Variants in SNTB1 observed in about 807,000 individuals in gnomAD.
The protein encoded by SNTB1 is beta-1-syntrophin.
In SNTB1, 36 loss-of-function variants were observed where a neutral mutation model predicts 48.9. The observed-to-expected ratio is 0.74, with a 90% confidence interval of 0.56 to 0.97. The LOEUF is 0.97. Among genes scored for constraint, SNTB1 ranks in the 50% least tolerant of loss-of-function variants. The pLI, the probability that SNTB1 is intolerant of heterozygous loss-of-function variation, is 0.00. For synonymous variants in SNTB1, 299 were observed against 294.6 expected (o/e 1.01, Z -0.15); for missense variants, 786 against 703.4 (o/e 1.12, Z -1.33).
chr8:120,683,132 C>T lies in SNTB1; in HGVS notation c.788+10560G>A, dbSNP rs182890494. ...TCCTGACCTCGTGATCCACCCACCTCGGCCTCCCAAAGTGCTGGGATTACA... is the reference window on the plus strand; with the variant it reads ...TCCTGACCTCGTGATCCACCCACCTTGGCCTCCCAAAGTGCTGGGATTACA... On this transcript the variant is annotated intron_variant, in intron 2 of 6. Coordinates refer to ENST00000517992, the MANE Select transcript of SNTB1 (RefSeq NM_021021.4). Among the ~76,000 whole-genome samples the T allele has an allele frequency of 1.1e-3, 174 of 152,182 alleles. 2 individuals are homozygous for T. The highest frequency in any genetic ancestry group is 3.8e-3 in the African/African-American group (157 of 41,532).
chr8:120,552,511 C>A (rs1488985937), intron 4 of SNTB1, among the ~76,000 whole-genome samples: 1 of 152,196 alleles, frequency 6.6e-6, no homozygotes, highest in Non-Finnish European at 1.5e-5. Flanking sequence ...GTGTGCACCA[C>A]CACACCCTGT....
chr8:120,702,745 A>C (rs561654784), intron 1 of SNTB1, among the ~76,000 whole-genome samples: 1 of 152,322 alleles, frequency 6.6e-6, no homozygotes, highest in South Asian at 2.1e-4. Flanking sequence ...TAAAACCATA[A>C]GGTCCTCAAA....
intron 2 of SNTB1, among the ~76,000 whole-genome samples, chr8:120,649,275 GT>G (rs1160122848): frequency 1.3e-5 from 2 of 151,204 alleles, no homozygotes; most frequent in African/African-American, 4.9e-5. Context: ...TTCCTGTTCT[GT>G]TTTTTCCCCA....
chr8:120,574,305 G>A (rs1261231928), intron 4 of SNTB1, among the ~76,000 whole-genome samples: 1 of 152,160 alleles, frequency 6.6e-6, no homozygotes, highest in Admixed American at 6.5e-5. Flanking sequence ...AGCGCCTATA[G>A]CTAACAACAT....
Position 120,811,938 on chromosome 8 carries a change from G to T in SNTB1, c.-95C>A, listed in dbSNP as rs1203256621. On this transcript the variant is annotated 5_prime_UTR_variant, in exon 1 of 7. Transcript: ENST00000517992. Reference sequence around the variant, plus strand: ...AGGACGCGGGGCCCGGGGGAGCGAGGAGAGTGCGTCCCGCGGGGAGGTGGC... The same window carrying T: ...AGGACGCGGGGCCCGGGGGAGCGAGTAGAGTGCGTCCCGCGGGGAGGTGGC... 7.8e-7 allele frequency: 1 copy of T among 1,277,938 alleles called. No homozygotes were observed. Among genetic ancestry groups the T allele is most frequent in the South Asian group, 2.7e-5 (1 of 36,918 alleles). The allele number at this position is 1,277,938 out of a possible 1,614,324, so 79.2% of individuals were successfully genotyped here.
rs1301957194 is a variant in SNTB1, at chr8:120,631,592, G to GTGT, written c.996+851_996+852insACA. ...ACTGGGAGGTCAGATTATTCCCAAA[G>GTGT]TCCAGTGTTCCTGAGCACTCCAGGT... On this transcript the variant is annotated intron_variant, in intron 3 of 6. Coordinates refer to ENST00000517992, the MANE Select transcript of SNTB1 (RefSeq NM_021021.4). 7.8e-4 allele frequency among the ~76,000 whole-genome samples: 118 copies of GTGT among 152,248 alleles called. 1 individual carries two copies. The highest frequency in any genetic ancestry group is 3.4e-4 in the Non-Finnish European group (23 of 68,026).
At chr8:120,665,300 A>T (rs1817657102) in intron 2 of SNTB1, among the ~76,000 whole-genome samples, 1 of 152,046 alleles carries the variant, frequency 6.6e-6, no homozygotes, top group Non-Finnish European at 1.5e-5. Context: ...AAAAATACAA[A>T]AATTAGCCAG....
At chr8:120,712,761 G>A (rs1046482015) in intron 1 of SNTB1, among the ~76,000 whole-genome samples, 3 of 152,118 alleles carry the variant, frequency 2.0e-5, no homozygotes, top group African/African-American at 7.2e-5. Flanking sequence ...AACTGTCCAT[G>A]AATGATCAGA....
At chr8:120,730,643 T>A (rs1343396228) in intron 1 of SNTB1, among the ~76,000 whole-genome samples, 1 of 152,224 alleles carries the variant, frequency 6.6e-6, no homozygotes, top group Non-Finnish European at 1.5e-5. Flanking sequence ...ATCTTTGGGA[T>A]GAATCGGAAT....
At chr8:120,684,563 C>T (rs971260504) in intron 2 of SNTB1, among the ~76,000 whole-genome samples, 8 of 151,622 alleles carry the variant, frequency 5.3e-5, no homozygotes, top group Non-Finnish European at 1.0e-4. Flanking sequence ...AATGGTGGGA[C>T]AGGCACAGAA....
At chr8:120,565,448 A>G (rs13253450) in intron 4 of SNTB1, among the ~76,000 whole-genome samples, 70,063 of 152,066 alleles carry the variant, frequency 0.46, 18,602 homozygotes, top group Non-Finnish European at 0.62. Context: ...GGTAAGTAGC[A>G]AGGCTGGGAT....
chr8:120,809,493 CTT>C (rs1183368832), intron 1 of SNTB1, among the ~76,000 whole-genome samples: 1 of 152,112 alleles, frequency 6.6e-6, no homozygotes, highest in Non-Finnish European at 1.5e-5. Flanking sequence ...ATTTCTTCCT[CTT>C]TTTGGGTGAG....
chr8:120,679,175 T>A (rs1194450194), intron 2 of SNTB1, among the ~76,000 whole-genome samples: 1 of 152,222 alleles, frequency 6.6e-6, no homozygotes, highest in Non-Finnish European at 1.5e-5. Flanking sequence ...TAGCTGACAT[T>A]TCAGGGATGA....
chr8:120,588,361 C>T (rs1200327892), intron 3 of SNTB1, among the ~76,000 whole-genome samples: 2 of 150,684 alleles, frequency 1.3e-5, no homozygotes, highest in Non-Finnish European at 2.9e-5. Flanking sequence ...GCTTTCAGTG[C>T]GATCTACCAA....
chr8:120,572,805 C>G (rs1306286835), intron 4 of SNTB1, among the ~76,000 whole-genome samples: 1 of 152,118 alleles, frequency 6.6e-6, no homozygotes, highest in Non-Finnish European at 1.5e-5. Context: ...ATCCCAGCTA[C>G]TCAGGAGGCT....
At chr8:120,649,940 T>G (rs1041756215) in intron 2 of SNTB1, among the ~76,000 whole-genome samples, 7 of 152,170 alleles carry the variant, frequency 4.6e-5, no homozygotes, top group Admixed American at 4.6e-4. Flanking sequence ...CCAGGTGCTG[T>G]CCATCACCCC....
chr8:120,808,397 T>A (rs765099532), intron 1 of SNTB1, among the ~76,000 whole-genome samples: 5 of 152,142 alleles, frequency 3.3e-5, no homozygotes, highest in Non-Finnish European at 7.4e-5. Flanking sequence ...TCTGTTTAAC[T>A]CCTCTGGTCT....
chr8:120,654,061 A>AAAAAAAAAAAAAAAAAAAC (rs1817457405), intron 2 of SNTB1, among the ~76,000 whole-genome samples: 1 of 148,998 alleles, frequency 6.7e-6, no homozygotes, highest in Non-Finnish European at 1.5e-5. Flanking sequence ...AAAAAAAAAA[A>AAAAAAAAAAAAAAAAAAAC]AAAAAAAAAA....
intron 4 of SNTB1, among the ~76,000 whole-genome samples, chr8:120,567,351 A>G (rs1200637201): frequency 2.6e-5 from 4 of 152,024 alleles, no homozygotes; most frequent in Admixed American, 2.6e-4. Flanking sequence ...GAATCCACCT[A>G]AAGCACGTAG....
Sources: allele counts gnomAD v4.1 joint callset (sites outside exome capture counted in the v4.1 genomes callset), GRCh38; gene constraint gnomAD v4.1.1; transcripts MANE v1.5; gene names NCBI Gene and HGNC (gene_info 2026-07-23, HGNC 2026-07-21).